The following GABRB1 variants were observed in gnomAD, a reference collection of about 807,000 sequenced individuals.
GABRB1 encodes the protein gamma-aminobutyric acid receptor subunit beta-1.
A neutral mutation model predicts 51.6 loss-of-function variants in GABRB1; 17 were observed. That is an observed-to-expected ratio of 0.33 (90% CI 0.23 to 0.49). The LOEUF (loss-of-function observed/expected upper bound fraction) is 0.49, where lower values mean the gene tolerates loss of function less well. Ranked by LOEUF, GABRB1 falls within the 20% of genes least tolerant of loss-of-function variation. GABRB1 has a pLI of 0.99. For synonymous variants in GABRB1, 247 were observed against 218.9 expected (o/e 1.13, Z -1.14); for missense variants, 410 against 600.6 (o/e 0.68, Z 3.32).
At chr4:47,195,194 G>A (rs1163285254) in intron 4 of GABRB1, among the ~76,000 whole-genome samples, 2 of 152,034 alleles carry the variant, frequency 1.3e-5, no homozygotes, top group Non-Finnish European at 2.9e-5. Context: ...GTGAAACCCC[G>A]TCTCTACTAA....
At chr4:47,335,521 G>T (rs1214843735) in intron 5 of GABRB1, among the ~76,000 whole-genome samples, 1 of 152,010 alleles carries the variant, frequency 6.6e-6, no homozygotes, top group Admixed American at 6.6e-5. Context: ...AAAGGAACAA[G>T]CCTGATTCTG....
At chr4:47,168,589 G>A (rs965692006) in intron 4 of GABRB1, among the ~76,000 whole-genome samples, 3 of 152,074 alleles carry the variant, frequency 2.0e-5, no homozygotes, top group African/African-American at 4.8e-5. Context: ...CTGCTTCATA[G>A]GCAGTATAGT....
chr4:47,387,436 C>T (rs1006775872), intron 5 of GABRB1, among the ~76,000 whole-genome samples: 19 of 152,296 alleles, frequency 1.2e-4, no homozygotes, highest in Admixed American at 1.0e-3. Context: ...TGTGCCACTG[C>T]ACTCCAGCCT....
intron 5 of GABRB1, among the ~76,000 whole-genome samples, chr4:47,354,870 A>ATCCC (rs66998340): frequency 0.42 from 58,950 of 140,022 alleles, 12,764 homozygotes; most frequent in Middle Eastern, 0.48. Context: ...TTTTTTTTTT[A>ATCCC]TACCCTGACC....
At chr4:47,117,548 A>G (rs892099265) in intron 3 of GABRB1, among the ~76,000 whole-genome samples, 2 of 152,148 alleles carry the variant, frequency 1.3e-5, no homozygotes, top group African/African-American at 4.8e-5. Flanking sequence ...GCCGTTCAGG[A>G]GCTCAGGGAA....
At chr4:47,033,436 T>C (rs1459025872) in intron 3 of GABRB1, among the ~76,000 whole-genome samples, 2 of 152,194 alleles carry the variant, frequency 1.3e-5, no homozygotes, top group African/African-American at 4.8e-5. Flanking sequence ...AGCCTGTTGC[T>C]TTTCTAGAAT....
At chr4:47,030,995 C>T (rs898780842), upstream of GABRB1, among the ~76,000 whole-genome samples, 31 of 152,090 alleles carry the variant, frequency 2.0e-4, no homozygotes, top group African/African-American at 7.2e-4. Context: ...TCCTACTCTG[C>T]CTCCTACAGA....
intron 5 of GABRB1, among the ~76,000 whole-genome samples, chr4:47,358,371 A>G (rs184883670): frequency 1.3e-5 from 2 of 151,348 alleles, no homozygotes; most frequent in Admixed American, 6.6e-5. Context: ...GTGTATATAT[A>G]TGTGTGTGTG....
chr4:47,383,640 T>C (rs1239121080), intron 5 of GABRB1, among the ~76,000 whole-genome samples: 2 of 152,190 alleles, frequency 1.3e-5, no homozygotes, highest in Admixed American at 1.3e-4. Flanking sequence ...TTCATATCAT[T>C]TATGGCACAT....
At chr4:47,414,269 G>A (rs116140975) in intron 8 of GABRB1, among the ~76,000 whole-genome samples, 1,681 of 152,248 alleles carry the variant, frequency 0.011, 39 homozygotes, top group African/African-American at 0.039. Context: ...AGGTCCCGTC[G>A]ACATGTGCCC....
chr4:47,351,307 G>A (rs1427384340), intron 5 of GABRB1, among the ~76,000 whole-genome samples: 1 of 152,140 alleles, frequency 6.6e-6, no homozygotes, highest in African/African-American at 2.4e-5. Flanking sequence ...GGCCAAGTGT[G>A]TCTATAATAA....
intron 4 of GABRB1, among the ~76,000 whole-genome samples, chr4:47,272,593 T>C (rs955143161): frequency 1.2e-4 from 19 of 152,152 alleles, no homozygotes; most frequent in Admixed American, 1.0e-3. Flanking sequence ...TTTTGATCTA[T>C]AGAAAGGAGG....
At chr4:47,357,071 A>T (rs1726611021) in intron 5 of GABRB1, among the ~76,000 whole-genome samples, 1 of 152,186 alleles carries the variant, frequency 6.6e-6, no homozygotes, top group Non-Finnish European at 1.5e-5. Flanking sequence ...ATTTTTTCTA[A>T]TTTCAAAGTT....
At chr4:47,165,943 T>A (rs1267430842) in intron 4 of GABRB1, among the ~76,000 whole-genome samples, 1 of 152,136 alleles carries the variant, frequency 6.6e-6, no homozygotes, top group Admixed American at 6.6e-5. Context: ...AGACTTAATC[T>A]GTTGCTTCAA....
At chr4:47,303,095 A>T (rs1011910336) in intron 4 of GABRB1, among the ~76,000 whole-genome samples, 8 of 151,870 alleles carry the variant, frequency 5.3e-5, no homozygotes, top group African/African-American at 1.4e-4. Flanking sequence ...GGAAGATGAG[A>T]AGAAATGCAC....
intron 4 of GABRB1, among the ~76,000 whole-genome samples, chr4:47,296,983 A>G (rs1724026493): frequency 6.6e-6 from 1 of 152,198 alleles, no homozygotes; most frequent in Non-Finnish European, 1.5e-5. Flanking sequence ...CTACATGGAA[A>G]CTGAACAACC....
chr4:47,376,366 G>A (rs1260720794), intron 5 of GABRB1, among the ~76,000 whole-genome samples: 1 of 152,232 alleles, frequency 6.6e-6, no homozygotes, highest in African/African-American at 2.4e-5. Flanking sequence ...CCATAGATGG[G>A]CCGGGCGCAG....
At chr4:47,202,205 A>C (rs1719925129) in intron 4 of GABRB1, among the ~76,000 whole-genome samples, 1 of 152,132 alleles carries the variant, frequency 6.6e-6, no homozygotes, top group East Asian at 1.9e-4. Flanking sequence ...CTCTCACAAG[A>C]TCTGATGGTA....
At chr4:47,261,649 A>C (rs560762235) in intron 4 of GABRB1, among the ~76,000 whole-genome samples, 2 of 152,018 alleles carry the variant, frequency 1.3e-5, no homozygotes, top group Non-Finnish European at 2.9e-5. Context: ...TGCCATCCCC[A>C]TCAAGCTACC....
Sources: gnomAD v4.1 joint callset for allele counts (sites outside exome capture counted in the v4.1 genomes callset) on GRCh38, gnomAD v4.1.1 for gene constraint, MANE v1.5 for transcripts, NCBI Gene and HGNC (gene_info 2026-07-23, HGNC 2026-07-21) for gene names.